The following ENOX2 variants were observed in gnomAD, a reference collection of about 807,000 sequenced individuals.
ENOX2 encodes the protein APK1 antigen.
Under a neutral mutation model 45.0 loss-of-function variants are expected in ENOX2, and 36 were observed. That is an observed-to-expected ratio of 0.80 (90% CI 0.61 to 1.06). The LOEUF is 1.06. Ranked by LOEUF, ENOX2 falls within the 50% of genes least tolerant of loss-of-function variation. The pLI, the probability that ENOX2 is intolerant of heterozygous loss-of-function variation, is 0.00. For missense variants in ENOX2, 423 were observed against 462.5 expected (o/e 0.91, Z 0.78); for synonymous variants, 174 against 152.3 (o/e 1.14, Z -1.05).
intron 13 of ENOX2, among the ~76,000 whole-genome samples, chrX:130,629,648 A>C (rs935605605): frequency 2.7e-5 from 3 of 112,079 alleles, no homozygotes; most frequent in Non-Finnish European, 1.9e-5. Context: ...TAACATATCA[A>C]AGTGTTAAAT....
At chrX:130,785,887 T>C (rs1214516546) in intron 2 of ENOX2, among the ~76,000 whole-genome samples, 1 of 112,625 alleles carries the variant, frequency 8.9e-6, no homozygotes, top group African/African-American at 3.2e-5. Flanking sequence ...CTGATACCTT[T>C]TGGCAAGTCA....
chrX:130,658,266 G>A (rs1056731769), intron 9 of ENOX2, among the ~76,000 whole-genome samples: 5 of 110,986 alleles, frequency 4.5e-5, no homozygotes, highest in Non-Finnish European at 7.6e-5. Flanking sequence ...ATAACCAGAC[G>A]AGCCTAAAAG....
intron 2 of ENOX2, among the ~76,000 whole-genome samples, chrX:130,874,851 GC>G (rs967703183): frequency 4.6e-5 from 5 of 109,191 alleles, no homozygotes; most frequent in South Asian, 4.1e-4. Flanking sequence ...ACACATGCAT[GC>G]CCCCCCCGAC....
chrX:130,630,493 A>G (rs1320899688), intron 13 of ENOX2, among the ~76,000 whole-genome samples: 1 of 111,298 alleles, frequency 9.0e-6, no homozygotes, highest in Non-Finnish European at 1.9e-5. Context: ...AGCCTCCATA[A>G]GAACTTTGAA....
At chrX:130,694,326 GA>G (rs1367733680) in intron 4 of ENOX2, among the ~76,000 whole-genome samples, 1 of 111,334 alleles carries the variant, frequency 9.0e-6, no homozygotes, top group African/African-American at 3.3e-5. Context: ...TCAGATTTTT[GA>G]AAAGGCGCTT....
At chrX:130,837,442 T>C (rs1210981641) in intron 2 of ENOX2, among the ~76,000 whole-genome samples, 2 of 111,679 alleles carry the variant, frequency 1.8e-5, no homozygotes, top group African/African-American at 6.5e-5. Flanking sequence ...AATTTTAGAG[T>C]TGAAATGGTC....
rs1284023113 is a variant in ENOX2 at position 130,891,575 on chromosome X, A to G, written c.-183+10109T>C. Reference sequence around the variant, plus strand: ...GAGTGCAGTGACACAATCATAGTTCACTGTAACCTTGAACTCCTCGGCTCA... The same window carrying G: ...GAGTGCAGTGACACAATCATAGTTCGCTGTAACCTTGAACTCCTCGGCTCA... On this transcript the variant is annotated intron_variant, in intron 2 of 14. Transcript: ENST00000394363. Among the ~76,000 whole-genome samples, 11 of 91,992 alleles carry G rather than the reference A, an allele frequency of 1.2e-4. No individual in the cohort carries two copies. The Admixed American group carries it at 1.3e-3, about 11-fold the overall frequency. The allele number at this position is 91,992 out of a possible 115,157, so 79.9% of individuals were successfully genotyped here. A position where few individuals can be genotyped will look rare whatever the true frequency, so the allele number is the denominator to read the frequency against.
intron 1 of ENOX2, among the ~76,000 whole-genome samples, chrX:130,902,721 C>T (rs1331794902): frequency 9.8e-6 from 1 of 102,185 alleles, no homozygotes; most frequent in Admixed American, 1.1e-4. Context: ...AAACCCTGGA[C>T]GCAAACCCCA....
chrX:130,763,627 G>A (rs1364313784), intron 3 of ENOX2, among the ~76,000 whole-genome samples: 6 of 110,908 alleles, frequency 5.4e-5, no homozygotes, highest in Admixed American at 9.6e-5. Flanking sequence ...CTAGCACTTT[G>A]GGAGGCCGAG....
At chrX:130,852,899 T>C (rs1048489496) in intron 2 of ENOX2, among the ~76,000 whole-genome samples, 3 of 110,968 alleles carry the variant, frequency 2.7e-5, no homozygotes, top group Non-Finnish European at 3.8e-5. Context: ...AAAAAAAATA[T>C]ATCTGAGTCT....
chrX:130,703,004 A>T, intron 4 of ENOX2, 116 bp downstream of exon 4: 2 of 797,509 alleles, frequency 2.5e-6, no homozygotes, highest in Non-Finnish European at 3.5e-6. Context: ...AAAAATGCAC[A>T]CTCTAGGCAG....
intron 12 of ENOX2, among the ~76,000 whole-genome samples, chrX:130,634,208 A>G (rs1297374529): frequency 8.9e-6 from 1 of 112,011 alleles, no homozygotes; most frequent in Admixed American, 9.4e-5. Context: ...CAAGCTCCTA[A>G]TCTTCTCTTC....
chrX:130,762,988 A>C (rs1259622690), intron 3 of ENOX2, among the ~76,000 whole-genome samples: 5 of 111,211 alleles, frequency 4.5e-5, no homozygotes, highest in Non-Finnish European at 9.4e-5. Flanking sequence ...TTTTTGTTTC[A>C]CACATTTTGC....
intron 10 of ENOX2, chrX:130,646,038 G>A (rs1242703244): frequency 3.6e-6 from 2 of 562,945 alleles, no homozygotes; most frequent in Non-Finnish European, 6.5e-6. Flanking sequence ...CTGCTGTAAC[G>A]TCAACGTCCC....
intron 7 of ENOX2, among the ~76,000 whole-genome samples, chrX:130,668,665 A>G (rs908035837): frequency 8.9e-6 from 1 of 112,029 alleles, no homozygotes; most frequent in Non-Finnish European, 1.9e-5. Context: ...TTCTCTGGCT[A>G]GAAACCCTTA....
intron 2 of ENOX2, among the ~76,000 whole-genome samples, chrX:130,792,450 C>T (rs1177727606): frequency 8.9e-6 from 1 of 112,481 alleles, no homozygotes; most frequent in Non-Finnish European, 1.9e-5. Flanking sequence ...CTATGCAATA[C>T]AGTAGCCACT....
intron 2 of ENOX2, among the ~76,000 whole-genome samples, chrX:130,864,376 C>G (rs1242594311): frequency 9.0e-6 from 1 of 110,903 alleles, no homozygotes; most frequent in African/African-American, 3.3e-5. Flanking sequence ...CCAGTTCAGT[C>G]AAGCCTTCGG....
chrX:130,798,871 T>C (rs1337534506), intron 2 of ENOX2, among the ~76,000 whole-genome samples: 3 of 112,018 alleles, frequency 2.7e-5, no homozygotes, highest in Non-Finnish European at 3.8e-5. Context: ...TATAACACCA[T>C]TGGATAAAAA....
intron 2 of ENOX2, among the ~76,000 whole-genome samples, chrX:130,898,837 T>C (rs1390608120): frequency 1.8e-5 from 2 of 109,548 alleles, no homozygotes; most frequent in African/African-American, 6.7e-5. Flanking sequence ...TTCCTCAGCA[T>C]AGAGCTCTAG....
Sources: gnomAD v4.1 joint callset for allele counts (sites outside exome capture counted in the v4.1 genomes callset) on GRCh38, gnomAD v4.1.1 for gene constraint, MANE v1.5 for transcripts, NCBI Gene and HGNC (gene_info 2026-07-23, HGNC 2026-07-21) for gene names.